The following GAS2 variants were observed in gnomAD, a reference collection of about 807,000 sequenced individuals.
GAS2 encodes the protein growth arrest-specific protein 2.
In GAS2, 20 loss-of-function variants were observed where a neutral mutation model predicts 37.5. The ratio of observed to expected loss-of-function variants is 0.53; its 90% CI spans 0.37 to 0.77. The LOEUF is 0.77. Ranked by LOEUF, GAS2 falls within the 30% of genes least tolerant of loss-of-function variation. GAS2 has a pLI of 0.00. For synonymous variants in GAS2, 144 were observed against 132.2 expected, an observed-to-expected ratio of 1.09 and a Z score of -0.61; for missense variants, 336 against 373.4, an observed-to-expected ratio of 0.90 and a Z score of 0.82.
At chr11:22,656,799 T>C (rs1252225271) in intron 1 of GAS2, among the ~76,000 whole-genome samples, 1 of 152,220 alleles carries the variant, frequency 6.6e-6, no homozygotes, top group Non-Finnish European at 1.5e-5. Context: ...TGTGTGTGTG[T>C]GTGTGTCGAG....
At chr11:22,803,106 A>G (rs1282276432) in intron 7 of GAS2, among the ~76,000 whole-genome samples, 1 of 152,090 alleles carries the variant, frequency 6.6e-6, no homozygotes, top group African/African-American at 2.4e-5. Flanking sequence ...CTCAATTGAC[A>G]TATGCATTGA....
intron 3 of GAS2, among the ~76,000 whole-genome samples, chr11:22,696,513 G>A (rs1393055541): frequency 2.6e-5 from 4 of 152,026 alleles, no homozygotes; most frequent in East Asian, 1.9e-4. Context: ...CTGAGGAATC[G>A]CCACACTGAC....
intron 3 of GAS2, among the ~76,000 whole-genome samples, chr11:22,699,004 A>T (rs539026793): frequency 6.6e-6 from 1 of 152,222 alleles, no homozygotes; most frequent in Non-Finnish European, 1.5e-5. Context: ...TGTTTTCTAT[A>T]AGGAAAGCAC....
chr11:22,645,938 A>C (rs900995536), intron 1 of GAS2, among the ~76,000 whole-genome samples: 2 of 150,318 alleles, frequency 1.3e-5, no homozygotes, highest in Non-Finnish European at 3.0e-5. Flanking sequence ...CCGCCTCCCA[A>C]GTTCAAGCCA....
chr11:22,628,504 A>G (rs1027080460), intron 1 of GAS2, among the ~76,000 whole-genome samples: 1 of 152,254 alleles, frequency 6.6e-6, no homozygotes, highest in African/African-American at 2.4e-5. Flanking sequence ...AAATTGGGAA[A>G]GAAAAAGGCC....
chr11:22,662,740 C>A (rs962215885), upstream of GAS2, among the ~76,000 whole-genome samples: 15 of 151,922 alleles, frequency 9.9e-5, no homozygotes, highest in African/African-American at 2.9e-4. Context: ...CTAGATGAGG[C>A]AGGGTGTGGT....
At chr11:22,639,315 A>G (rs902164465) in intron 1 of GAS2, among the ~76,000 whole-genome samples, 2 of 152,190 alleles carry the variant, frequency 1.3e-5, no homozygotes, top group African/African-American at 4.8e-5. Context: ...AAATAAGCAT[A>G]GATTGATTTC....
chr11:22,758,415 A>C (rs1854168552), intron 7 of GAS2, among the ~76,000 whole-genome samples: 1 of 152,248 alleles, frequency 6.6e-6, no homozygotes, highest in African/African-American at 2.4e-5. Context: ...TAAAGTATAC[A>C]TACAATGACA....
chr11:22,792,739 G>C (rs1856232253), intron 7 of GAS2, among the ~76,000 whole-genome samples: 1 of 152,208 alleles, frequency 6.6e-6, no homozygotes, highest in Non-Finnish European at 1.5e-5. Context: ...GTCAGCATGT[G>C]ACCAGCTCTG....
chr11:22,753,316 C>G (rs1469954933), intron 6 of GAS2, among the ~76,000 whole-genome samples: 1 of 152,080 alleles, frequency 6.6e-6, no homozygotes, highest in Non-Finnish European at 1.5e-5. Flanking sequence ...GCTTCCACCT[C>G]TCATACAACT....
chr11:22,626,995 A>G (rs889563613), intron 1 of GAS2, among the ~76,000 whole-genome samples: 6 of 152,122 alleles, frequency 3.9e-5, no homozygotes, highest in Non-Finnish European at 7.3e-5. Flanking sequence ...ATTTCACCTT[A>G]TTGGTCAGGC....
At chr11:22,633,981 A>G (rs889320379) in intron 1 of GAS2, among the ~76,000 whole-genome samples, 1 of 152,132 alleles carries the variant, frequency 6.6e-6, no homozygotes, top group Non-Finnish European at 1.5e-5. Context: ...AGCCACAGCT[A>G]TGTTTGCAGT....
rs542139438 is a variant in GAS2, at chr11:22,755,976, T to C, written c.723+23T>C. 182 of 1,519,500 alleles carry C rather than the reference T, an allele frequency of 1.2e-4. No homozygotes were observed. In the Middle Eastern group the frequency reaches 1.9e-3, roughly 16 times the overall value. The allele number at this position is 1,519,500 out of a possible 1,614,324, so 94.1% of individuals were successfully genotyped here. On this transcript the variant is annotated intron_variant, in intron 7 of 7. Coordinates refer to ENST00000454584, the MANE Select transcript of GAS2 (RefSeq NM_001143830.3). The stretch of plus-strand genomic sequence containing the variant: ...AGGGTAAAGTTTTACTTTTCACTTA[T>C]CTTGTTTTTATGGGAAGATTCAGAA...
intron 7 of GAS2, among the ~76,000 whole-genome samples, chr11:22,809,201 C>T (rs925316759): frequency 6.6e-6 from 1 of 152,106 alleles, no homozygotes; most frequent in African/African-American, 2.4e-5. Context: ...TGAGTATTGC[C>T]AGGGAAGGAG....
At chr11:22,641,250 A>ATATATCTTTATATATATC (rs1565062602) in intron 1 of GAS2, among the ~76,000 whole-genome samples, 3 of 144,552 alleles carry the variant, frequency 2.1e-5, no homozygotes, top group African/African-American at 7.6e-5. Flanking sequence ...GTGTATATAT[A>ATATATCTTTATATATATC]TATATCTTTA....
At chr11:22,713,968 GA>G (rs376914875) in intron 3 of GAS2, among the ~76,000 whole-genome samples, 2 of 151,124 alleles carry the variant, frequency 1.3e-5, no homozygotes, top group African/African-American at 2.4e-5. Context: ...AACACAATGA[GA>G]AAAAAAACAG....
rs568101242 is a variant in GAS2, at chr11:22,685,164, G to A, written c.146-504G>A. The stretch of plus-strand genomic sequence containing the variant: ...TTGCGTGACAGAGTACAATCCTGTA[G>A]AGAGAGAGAGAGAGCGAGAGACCTA... On this transcript the variant is annotated intron_variant, in intron 2 of 7. Transcript: ENST00000454584. Among the ~76,000 whole-genome samples, 705 of 150,932 alleles carry A rather than the reference G, an allele frequency of 4.7e-3. 3 individuals carry two copies. The highest frequency in any genetic ancestry group is 7.2e-3 in the Non-Finnish European group (484 of 67,580).
At chr11:22,775,613 G>A (rs1379425532) in intron 7 of GAS2, among the ~76,000 whole-genome samples, 1 of 151,942 alleles carries the variant, frequency 6.6e-6, no homozygotes, top group Non-Finnish European at 1.5e-5. Flanking sequence ...AAAAGAGAAT[G>A]ATGGGAAATA....
intron 1 of GAS2, among the ~76,000 whole-genome samples, chr11:22,653,100 C>T (rs1848814423): frequency 1.4e-5 from 2 of 147,652 alleles, no homozygotes; most frequent in Non-Finnish European, 3.0e-5. Context: ...TTCCTTCCTT[C>T]TTTCCTCCCT....
Sources: allele counts gnomAD v4.1 joint callset (sites outside exome capture counted in the v4.1 genomes callset), GRCh38; gene constraint gnomAD v4.1.1; transcripts MANE v1.5; gene names NCBI Gene and HGNC (gene_info 2026-07-23, HGNC 2026-07-21).